The following WDR33 variants were observed in gnomAD, a reference collection of about 807,000 sequenced individuals.
The protein encoded by WDR33 is WD repeat domain 33.
In WDR33, 47 loss-of-function variants were observed where a neutral mutation model predicts 164.9. That is an observed-to-expected ratio of 0.29 (90% CI 0.23 to 0.36). The LOEUF (loss-of-function observed/expected upper bound fraction) is 0.36. Among genes scored for constraint, WDR33 ranks in the 10% least tolerant of loss-of-function variants. WDR33 has a pLI of 1.00. For synonymous variants in WDR33, 505 were observed against 589.0 expected (o/e 0.86, Z 2.06); for missense variants, 1,137 against 1,754.1 (o/e 0.65, Z 6.28).
Position 127,764,331 on chromosome 2 carries a change from T to C in WDR33, c.626+497A>G. On this transcript the variant is annotated intron_variant, in intron 6 of 21. Transcript: ENST00000322313. The surrounding 1 kb of genome is among the most constrained non-coding windows in gnomAD (Gnocchi z 6.2). ...CGTTAATGTTTGCCACATCCAGTTA[T>C]CTGTGAGGGTTTTAGTCCTATACTT... 2.9e-6 allele frequency: 4 copies of C among 1,366,206 alleles called. No homozygotes were observed. The highest frequency in any genetic ancestry group is 3.8e-6 in the Non-Finnish European group (4 of 1,059,956). 84.6% of individuals were successfully genotyped at this position (1,366,206 alleles called of 1,614,324 possible). A position where few individuals can be genotyped will look rare whatever the true frequency, so the allele number is the denominator to read the frequency against.
At position 127,738,081 on chromosome 2, in the gene WDR33, C is replaced by T. The variant is rs769793135; in HGVS notation, c.725-11304G>A. On this transcript the variant is annotated intron_variant, in intron 7 of 21. Transcript: ENST00000322313. This position sits in a 1 kb window ranked among gnomAD's most constrained non-coding sequence, Gnocchi z 4.4. ...TATCAAAACAAGAAGGGTGCATGAA[C>T]TCTTAAATACTGTGCAGGCAGGTAT... 2 of 1,604,668 alleles carry T rather than the reference C, an allele frequency of 1.2e-6. No homozygotes were observed. The highest frequency in any genetic ancestry group is 2.3e-5 in the East Asian group (1 of 44,248).
At position 127,762,827 on chromosome 2, in the gene WDR33, G is replaced by T; in HGVS notation, c.724+235C>A. On this transcript the variant is annotated intron_variant, in intron 7 of 21. Coordinates refer to ENST00000322313, the MANE Select transcript of WDR33 (RefSeq NM_018383.5). ...CATACAGATAAGCAAGTAAGGGGGAGGCACTCTTGTATTTAATTTACAGCT... is the reference window on the plus strand; with the variant it reads ...CATACAGATAAGCAAGTAAGGGGGATGCACTCTTGTATTTAATTTACAGCT... 3 of 1,324,056 alleles carry T rather than the reference G, an allele frequency of 2.3e-6. No individual in the cohort carries two copies. The Admixed American group carries it at 1.0e-4, about 44-fold the overall frequency. The allele number at this position is 1,324,056 out of a possible 1,614,324, so 82.0% of individuals were successfully genotyped here.
At position 127,736,780 on chromosome 2, in the gene WDR33, A is replaced by G; in HGVS notation, c.725-10003T>C. The G allele has an allele frequency of 3.0e-6, 3 of 985,402 alleles. No homozygotes were observed. In the South Asian group the frequency reaches 1.4e-4, roughly 46 times the overall value. The allele number at this position is 985,402 out of a possible 1,614,324, so 61.0% of individuals were successfully genotyped here. A position where few individuals can be genotyped will look rare whatever the true frequency, so the allele number is the denominator to read the frequency against. On this transcript the variant is annotated intron_variant, in intron 7 of 21. Coordinates refer to ENST00000322313, the MANE Select transcript of WDR33 (RefSeq NM_018383.5). ...AAATATCTAATTTTTGAGTCAAATAAAAACATATACAGGTATAAGTTTTGC... is the reference window on the plus strand; with the variant it reads ...AAATATCTAATTTTTGAGTCAAATAGAAACATATACAGGTATAAGTTTTGC...
intron 1 of WDR33, among the ~76,000 whole-genome samples, chr2:127,800,994 T>C (rs1253375253): frequency 1.3e-5 from 2 of 151,718 alleles, no homozygotes; most frequent in South Asian, 4.1e-4. Context: ...ATGGGCATAG[T>C]GGCTCATGCC....
rs1368876349 is a variant in WDR33, at chr2:127,737,891, T to C, written c.725-11114A>G. ...TCAAAGTAGAAGAGTAGTTAACCCA[T>C]AGCCATCCACAGCATCAACTGTAAT... On this transcript the variant is annotated intron_variant, in intron 7 of 21. Transcript: ENST00000322313. The C allele has an allele frequency of 9.3e-6, 14 of 1,500,842 alleles. No homozygotes were observed. The African/African-American group carries it at 1.0e-4, about 11-fold the overall frequency. 93.0% of individuals were successfully genotyped at this position (1,500,842 alleles called of 1,614,324 possible). A position where few individuals can be genotyped will look rare whatever the true frequency, so the allele number is the denominator to read the frequency against.
Position 127,712,378 on chromosome 2 carries a change from G to A in WDR33, c.3308+1205C>T, listed in dbSNP as rs1053290149. Among the ~76,000 whole-genome samples the A allele has an allele frequency of 4.0e-5, 6 of 149,846 alleles. No homozygotes were observed. The highest frequency in any genetic ancestry group is 5.9e-5 in the Non-Finnish European group (4 of 67,748). ...GCCACTGCACTCCAGCCTGGCAACA[G>A]AGCAAGACTCCGTCTCAAGAAGAAA... On this transcript the variant is annotated intron_variant, in intron 18 of 21. Transcript: ENST00000322313. The surrounding 1 kb of genome is among the most constrained non-coding windows in gnomAD (Gnocchi z 4.0).
At chr2:127,767,582 G>T (rs1241168736) in intron 4 of WDR33, among the ~76,000 whole-genome samples, 1 of 152,040 alleles carries the variant, frequency 6.6e-6, no homozygotes, top group African/African-American at 2.4e-5. Flanking sequence ...GGGCATGGTG[G>T]CAGGCGCCTG....
intron 1 of WDR33, among the ~76,000 whole-genome samples, chr2:127,786,272 C>T (rs188842445): frequency 1.3e-5 from 2 of 152,310 alleles, no homozygotes; most frequent in East Asian, 1.9e-4. Context: ...TAGGCTCAAG[C>T]GATCCTCCTG....
chr2:127,735,567 T>C lies in WDR33; in HGVS notation c.725-8790A>G, dbSNP rs1232707062. The C allele has an allele frequency of 2.0e-6, 2 of 985,706 alleles. No homozygotes were observed. The highest frequency in any genetic ancestry group is 1.2e-6 in the Non-Finnish European group (1 of 829,904). 61.1% of individuals were successfully genotyped at this position (985,706 alleles called of 1,614,324 possible). A position where few individuals can be genotyped will look rare whatever the true frequency, so the allele number is the denominator to read the frequency against. The stretch of plus-strand genomic sequence containing the variant: ...AGGCAAACAAAGAATTCAAGTACCA[T>C]CTTGTACAATATTAACAGAACTGTT... On this transcript the variant is annotated intron_variant, in intron 7 of 21. Coordinates refer to ENST00000322313, the MANE Select transcript of WDR33 (RefSeq NM_018383.5). This position sits in a 1 kb window ranked among gnomAD's most constrained non-coding sequence, Gnocchi z 4.3.
At chr2:127,754,775 T>C (rs1232627822) in intron 7 of WDR33, among the ~76,000 whole-genome samples, 1 of 152,068 alleles carries the variant, frequency 6.6e-6, no homozygotes, top group Non-Finnish European at 1.5e-5. Flanking sequence ...AATCCAAATA[T>C]GATGTCCTAT....
rs1249132983 is a variant in WDR33, at chr2:127,702,419, T to C, written c.*3904A>G. 3.4e-6 allele frequency: 1 copy of C among 295,036 alleles called. No individual in the cohort carries two copies. Among genetic ancestry groups the C allele is most frequent in the East Asian group, 6.6e-5 (1 of 15,068 alleles). The allele number at this position is 295,036 out of a possible 1,614,324, so 18.3% of individuals were successfully genotyped here. On this transcript the variant is annotated 3_prime_UTR_variant, in exon 22 of 22. Transcript: ENST00000322313. Reference sequence around the variant, plus strand: ...CGCTCTGAAAACTGAGATTTTGTCATTGAACTGGTGACAGGATGTGAGACG... The same window carrying C: ...CGCTCTGAAAACTGAGATTTTGTCACTGAACTGGTGACAGGATGTGAGACG...
At position 127,719,891 on chromosome 2, in the gene WDR33, C is replaced by T; in HGVS notation, c.2134G>A (p.Gly712Ser). The T allele has an allele frequency of 6.2e-7, 1 of 1,613,870 alleles. No homozygotes were observed. Among genetic ancestry groups the T allele is most frequent in the Non-Finnish European group, 8.5e-7 (1 of 1,179,986 alleles). The change falls in exon 16 of 22, where the codon GGC becomes AGC. Residue 712 changes from glycine to serine, a missense_variant. Transcript: ENST00000322313. This position sits in a 1 kb window ranked among gnomAD's most constrained non-coding sequence, Gnocchi z 6.5. ...TGGGGGCCTATGTGACCCTGTGGGC[C>T]AGGTGGACCCTGAGGACCCATATGA... ...QGHMGPQGPP[G>S]PQGHIGPQGP...
intron 1 of WDR33, among the ~76,000 whole-genome samples, chr2:127,796,985 G>C (rs1689063421): frequency 6.6e-6 from 1 of 151,880 alleles, no homozygotes; most frequent in Non-Finnish European, 1.5e-5. Flanking sequence ...TGCTAAAATT[G>C]ACCTGTAGCC....
intron 7 of WDR33, among the ~76,000 whole-genome samples, chr2:127,732,306 C>CT (rs201642804): frequency 0.032 from 4,772 of 147,466 alleles, 102 homozygotes; most frequent in Middle Eastern, 0.062. Context: ...GAACTTTTTT[C>CT]TTTTTTTTTT....
chr2:127,746,415 T>C (rs1203033080), intron 7 of WDR33, among the ~76,000 whole-genome samples: 1 of 152,244 alleles, frequency 6.6e-6, no homozygotes, highest in Non-Finnish European at 1.5e-5. Context: ...TTAAATCAAA[T>C]TAAGTAAAAT....
chr2:127,736,116 A>G (rs534752259), intron 7 of WDR33: 38 of 985,428 alleles, frequency 3.9e-5, no homozygotes, highest in Non-Finnish European at 4.3e-5. Context: ...AGTCCTTTCA[A>G]TATGTACATT....
At position 127,704,986 on chromosome 2, in the gene WDR33, T is replaced by A; in HGVS notation, c.*1337A>T. On this transcript the variant is annotated 3_prime_UTR_variant, in exon 22 of 22. Transcript: ENST00000322313. ...GGCATATGCCTGTAGTCCTAGCTAC[T>A]AGGGAGGCTGAGGCAGGGTCAAAGC... 1 of 159,462 alleles carries A rather than the reference T, an allele frequency of 6.3e-6. No homozygotes were observed. The allele number at this position is 159,462 out of a possible 1,614,324, so 9.9% of individuals were successfully genotyped here.
At chr2:127,785,606 C>G (rs1356918912) in intron 1 of WDR33, among the ~76,000 whole-genome samples, 1 of 152,162 alleles carries the variant, frequency 6.6e-6, no homozygotes, top group African/African-American at 2.4e-5. Flanking sequence ...TTTTACTTAG[C>G]AATATGCATT....
Position 127,770,656 on chromosome 2 carries a change from A to T in WDR33, c.204+122T>A. On this transcript the variant is annotated intron_variant, in intron 2 of 21. Transcript: ENST00000322313. This position sits in a 1 kb window ranked among gnomAD's most constrained non-coding sequence, Gnocchi z 4.9. The stretch of plus-strand genomic sequence containing the variant: ...CAGTGAGCCAAAACCACACCACTGC[A>T]CTCTGGCCTGGGCAACAAGAAAGAA... The T allele has an allele frequency of 1.4e-6, 1 of 692,814 alleles. No individual in the cohort carries two copies. The highest frequency in any genetic ancestry group is 4.1e-5 in the South Asian group (1 of 24,124). The allele number at this position is 692,814 out of a possible 1,614,324, so 42.9% of individuals were successfully genotyped here.
Sources: allele counts gnomAD v4.1 joint callset (sites outside exome capture counted in the v4.1 genomes callset), GRCh38; gene constraint gnomAD v4.1.1; non-coding constraint Gnocchi (gnomAD v3.1); transcripts MANE v1.5; gene names NCBI Gene and HGNC (gene_info 2026-07-23, HGNC 2026-07-21).